Variants in ANKS1A observed in about 807,000 individuals in gnomAD.
The protein encoded by ANKS1A is ankyrin repeat and SAM domain-containing protein 1A.
Under a neutral mutation model 120.3 loss-of-function variants are expected in ANKS1A, and 55 were observed. That is an observed-to-expected ratio of 0.46 (90% CI 0.37 to 0.57). ANKS1A has a LOEUF of 0.57. ANKS1A is among the 20% of genes least tolerant of loss of function. ANKS1A has a pLI of 0.00. For missense variants in ANKS1A, 1,123 were observed against 1,480.3 expected, an observed-to-expected ratio of 0.76 and a Z score of 3.96; for synonymous variants, 590 against 604.7, an observed-to-expected ratio of 0.98 and a Z score of 0.36.
chr6:35,078,781 C>T (rs1219696416), intron 14 of ANKS1A, 125 bp downstream of exon 14: 6 of 837,830 alleles, frequency 7.2e-6, no homozygotes, highest in South Asian at 3.2e-5. Flanking sequence ...AGGACCTCTA[C>T]CCCTCACCCT....
chr6:35,091,100 G>C lies in ANKS1A; in HGVS notation c.*2491G>C. 3 of 985,910 alleles carry C rather than the reference G, an allele frequency of 3.0e-6. No individual in the cohort carries two copies. Among genetic ancestry groups the C allele is most frequent in the Non-Finnish European group, 3.6e-6 (3 of 829,946 alleles). The allele number at this position is 985,910 out of a possible 1,614,324, so 61.1% of individuals were successfully genotyped here. A position where few individuals can be genotyped will look rare whatever the true frequency, so the allele number is the denominator to read the frequency against. ...CAGAAAGCAGCTCAGAAGTATTGTT[G>C]CTCATGGTGTGGCAATGGACTGAAC... On this transcript the variant is annotated 3_prime_UTR_variant, in exon 24 of 24. Coordinates refer to ENST00000360359, the MANE Select transcript of ANKS1A (RefSeq NM_015245.3).
intron 1 of ANKS1A, among the ~76,000 whole-genome samples, chr6:34,966,391 A>G (rs1039702335): frequency 1.7e-4 from 26 of 151,908 alleles, no homozygotes; most frequent in Non-Finnish European, 3.2e-4. Context: ...TTTTTGGGGG[A>G]AAAAAAATAG....
chr6:34,983,063 G>T (rs1199370265), intron 5 of ANKS1A, 50 bp from the exon 6 acceptor site: 1 of 1,565,128 alleles, frequency 6.4e-7, no homozygotes, highest in Non-Finnish European at 8.8e-7. Flanking sequence ...CCTTTTGGAG[G>T]CTGGCTTGAA....
At chr6:35,056,681 T>C (rs1776240389) in intron 12 of ANKS1A, among the ~76,000 whole-genome samples, 1 of 152,188 alleles carries the variant, frequency 6.6e-6, no homozygotes, top group Non-Finnish European at 1.5e-5. Flanking sequence ...CACACAGTCT[T>C]GTTTTAGTAC....
intron 10 of ANKS1A, among the ~76,000 whole-genome samples, chr6:34,995,489 G>A (rs1487039718): frequency 6.6e-6 from 1 of 151,938 alleles, no homozygotes; most frequent in Non-Finnish European, 1.5e-5. Flanking sequence ...TTGACAGATG[G>A]AGTTGTATAA....
intron 18 of ANKS1A, 119 bp from the exon 19 acceptor site, chr6:35,083,036 A>AG (rs1742282105): frequency 1.5e-6 from 2 of 1,346,176 alleles, no homozygotes; most frequent in African/African-American, 2.9e-5. Context: ...GGGGCAGGAG[A>AG]GGGGGTGTTG....
chr6:35,089,961 G>GAATT lies in ANKS1A; in HGVS notation c.*1353_*1356dup. ...CTCTTTCCCAGCCAGCAAAGGCTGT[G>GAATT]AATTTGAATTCTTTGTTGGTATGTA... On this transcript the variant is annotated 3_prime_UTR_variant, in exon 24 of 24. Transcript: ENST00000360359. 1 of 1,167,328 alleles carries GAATT rather than the reference G, an allele frequency of 8.6e-7. No individual in the cohort carries two copies. The highest frequency in any genetic ancestry group is 1.1e-6 in the Non-Finnish European group (1 of 929,546). 72.3% of individuals were successfully genotyped at this position (1,167,328 alleles called of 1,614,324 possible).
chr6:34,968,060 C>T (rs1330530023), intron 2 of ANKS1A, among the ~76,000 whole-genome samples: 3 of 152,124 alleles, frequency 2.0e-5, no homozygotes, highest in African/African-American at 7.2e-5. Context: ...TATTTATTTA[C>T]TCTCTCTTCT....
intron 11 of ANKS1A, among the ~76,000 whole-genome samples, chr6:35,049,945 T>C (rs1775892068): frequency 6.6e-6 from 1 of 152,168 alleles, no homozygotes; most frequent in Non-Finnish European, 1.5e-5. Flanking sequence ...TCAAAACTCT[T>C]TCTTTCCCCT....
intron 11 of ANKS1A, among the ~76,000 whole-genome samples, chr6:35,041,144 G>A (rs891825407): frequency 6.6e-6 from 1 of 152,222 alleles, no homozygotes. Flanking sequence ...TTGGTCAAAC[G>A]TTAATAAACT....
chr6:34,916,369 AACCACAG>A (rs1315769267), intron 1 of ANKS1A, among the ~76,000 whole-genome samples: 1 of 151,136 alleles, frequency 6.6e-6, no homozygotes, highest in Non-Finnish European at 1.5e-5. Flanking sequence ...ACCAAGTCTC[AACCACAG>A]TATACTTTTC....
chr6:35,084,354 C>T lies in ANKS1A; in HGVS notation c.3132+96C>T. 6.7e-7 allele frequency: 1 copy of T among 1,496,534 alleles called. No homozygotes were observed. Among genetic ancestry groups the T allele is most frequent in the Admixed American group, 2.1e-5 (1 of 46,656 alleles). The allele number at this position is 1,496,534 out of a possible 1,614,324, so 92.7% of individuals were successfully genotyped here. On this transcript the variant is annotated intron_variant, in intron 21 of 23. Coordinates refer to ENST00000360359, the MANE Select transcript of ANKS1A (RefSeq NM_015245.3). This position sits in a 1 kb window ranked among gnomAD's most constrained non-coding sequence, Gnocchi z 4.8. ...GGCACAGATGCGGCGCTGTCCTGGC[C>T]CCTGGCCAGTGCCTGGCAAATGTTT... is the stretch of plus-strand genomic sequence containing the variant.
chr6:35,062,208 C>G (rs925979819), intron 13 of ANKS1A, among the ~76,000 whole-genome samples: 1 of 152,222 alleles, frequency 6.6e-6, no homozygotes, highest in Non-Finnish European at 1.5e-5. Context: ...CTTCCAGGGG[C>G]TCTCAGTGCT....
At chr6:34,898,756 G>A (rs373810860) in intron 1 of ANKS1A, among the ~76,000 whole-genome samples, 2 of 151,276 alleles carry the variant, frequency 1.3e-5, no homozygotes, top group African/African-American at 4.9e-5. Context: ...ACATTATTTT[G>A]TATATACTTT....
At chr6:35,071,695 T>C (rs1228060275) in intron 13 of ANKS1A, among the ~76,000 whole-genome samples, 2 of 152,250 alleles carry the variant, frequency 1.3e-5, no homozygotes, top group African/African-American at 4.8e-5. Flanking sequence ...CCCCCTGAGC[T>C]GGCCACACGC....
chr6:34,969,818 T>C (rs926192231), intron 2 of ANKS1A, among the ~76,000 whole-genome samples, 192 bp from the exon 3 acceptor site: 2 of 152,142 alleles, frequency 1.3e-5, no homozygotes, highest in African/African-American at 4.8e-5. Flanking sequence ...CTCAAGGTGG[T>C]TCTGCTGCAT....
At chr6:34,981,029 A>G (rs917852650) in intron 3 of ANKS1A, among the ~76,000 whole-genome samples, 2 of 152,206 alleles carry the variant, frequency 1.3e-5, no homozygotes, top group African/African-American at 4.8e-5. Context: ...TAGATACTGC[A>G]TGCGTTGCTT....
Position 35,082,660 on chromosome 6 carries a change from GAGC to G in ANKS1A, c.2710-28_2710-26del. On this transcript the variant is annotated intron_variant, in intron 17 of 23. Coordinates refer to ENST00000360359, the MANE Select transcript of ANKS1A (RefSeq NM_015245.3). The surrounding 1 kb of genome is among the most constrained non-coding windows in gnomAD (Gnocchi z 4.1). Reference sequence around the variant, plus strand: ...AGCCCATGTGCTCCTCTGGAGCAAGGAGCAGGTGTCCAATTGCGTGTGTTTCGC... The same window carrying G: ...AGCCCATGTGCTCCTCTGGAGCAAGGAGGTGTCCAATTGCGTGTGTTTCGC... The G allele has an allele frequency of 6.3e-7, 1 of 1,591,552 alleles. No individual in the cohort carries two copies. Among genetic ancestry groups the G allele is most frequent in the South Asian group, 1.1e-5 (1 of 88,126 alleles).
intron 9 of ANKS1A, among the ~76,000 whole-genome samples, 175 bp from the exon 10 acceptor site, chr6:34,994,127 G>A (rs923081810): frequency 6.6e-6 from 1 of 152,112 alleles, no homozygotes; most frequent in Non-Finnish European, 1.5e-5. Flanking sequence ...TTGGAGGTAT[G>A]GATATATATC....
Sources: allele counts gnomAD v4.1 joint callset (sites outside exome capture counted in the v4.1 genomes callset), GRCh38; gene constraint gnomAD v4.1.1; non-coding constraint Gnocchi (gnomAD v3.1); transcripts MANE v1.5; gene names NCBI Gene and HGNC (gene_info 2026-07-23, HGNC 2026-07-21).